Variants in CDC14B observed in about 807,000 individuals in gnomAD.
The protein encoded by CDC14B is cell division cycle 14B, also known as dual specificity protein phosphatase CDC14B.
CDC14B carries 22 observed loss-of-function variants against 64.2 expected under a neutral mutation model. The observed-to-expected ratio is 0.34, with a 90% CI of 0.24 to 0.49. CDC14B has a LOEUF of 0.49. CDC14B is among the 20% of genes least tolerant of loss of function. The pLI is 0.99. For missense variants in CDC14B, 498 were observed against 629.9 expected (o/e 0.79, Z 2.24); for synonymous variants, 191 against 215.8 (o/e 0.89, Z 1.01).
intron 6 of CDC14B, 134 bp from the exon 7 acceptor site, chr9:96,539,274 G>T: frequency 1.6e-6 from 1 of 613,188 alleles, no homozygotes; most frequent in Non-Finnish European, 2.9e-6. Context: ...CCACTGAACA[G>T]CTTTCAAAGG....
chr9:96,596,327 A>C (rs1399615718), intron 1 of CDC14B, among the ~76,000 whole-genome samples: 3 of 150,112 alleles, frequency 2.0e-5, no homozygotes, highest in Non-Finnish European at 4.4e-5. Flanking sequence ...GTGCTACGAC[A>C]CACCAGCCTG....
At chr9:96,526,389 G>A (rs1352458288) in intron 9 of CDC14B, among the ~76,000 whole-genome samples, 6 of 151,912 alleles carry the variant, frequency 3.9e-5, no homozygotes, top group Non-Finnish European at 7.4e-5. Flanking sequence ...AGAAAGAGAC[G>A]GCAGGAGTTA....
chr9:96,538,144 T>C (rs1194360305), intron 7 of CDC14B, among the ~76,000 whole-genome samples: 2 of 152,212 alleles, frequency 1.3e-5, no homozygotes, highest in Non-Finnish European at 2.9e-5. Context: ...AGGTGTATAA[T>C]GACTATTCAT....
intron 5 of CDC14B, among the ~76,000 whole-genome samples, chr9:96,547,907 G>C (rs1364624569): frequency 5.9e-5 from 9 of 151,816 alleles, no homozygotes; most frequent in South Asian, 2.1e-4. Context: ...CTCAATGCAA[G>C]CTCTGCCTCC....
intron 1 of CDC14B, among the ~76,000 whole-genome samples, chr9:96,594,738 A>C (rs1020735116): frequency 6.8e-6 from 1 of 147,342 alleles, no homozygotes; most frequent in Non-Finnish European, 1.5e-5. Flanking sequence ...AAAAAAAAAA[A>C]GCCCAGGAGA....
At chr9:96,586,362 G>T (rs1405236171) in intron 1 of CDC14B, among the ~76,000 whole-genome samples, 1 of 152,164 alleles carries the variant, frequency 6.6e-6, no homozygotes, top group Admixed American at 6.5e-5. Flanking sequence ...GATAAATGTG[G>T]TTAAGTAGAA....
chr9:96,574,697 CAAAA>C lies in CDC14B; in HGVS notation c.161-9218_161-9215del, dbSNP rs57056796. 2.4e-3 allele frequency among the ~76,000 whole-genome samples: 119 copies of C among 49,954 alleles called. 1 individual carries two copies. Among genetic ancestry groups the C allele is most frequent in the African/African-American group, 9.2e-3 (110 of 11,924 alleles). The allele number at this position is 49,954 out of a possible 152,430, so 32.8% of individuals were successfully genotyped here. ...GCAACAAGAGCGAAACTCGGTCTCA[CAAAA>C]AAAAAAAAAAAAAAAAAAGATTTAA... On this transcript the variant is annotated intron_variant, in intron 1 of 13. Transcript: ENST00000375241.
At chr9:96,600,264 C>T (rs1846347907) in intron 1 of CDC14B, among the ~76,000 whole-genome samples, 1 of 150,172 alleles carries the variant, frequency 6.7e-6, no homozygotes, top group Non-Finnish European at 1.5e-5. Flanking sequence ...ATATTTTATG[C>T]AAATACATTT....
intron 1 of CDC14B, among the ~76,000 whole-genome samples, chr9:96,581,762 T>C (rs1161993124): frequency 1.3e-5 from 2 of 152,182 alleles, no homozygotes; most frequent in South Asian, 2.1e-4. Context: ...TTCACAGTTA[T>C]GTCCCCCTTA....
chr9:96,589,498 G>C (rs984954568), intron 1 of CDC14B, among the ~76,000 whole-genome samples: 1 of 151,718 alleles, frequency 6.6e-6, no homozygotes. Context: ...CTTTTCATTT[G>C]TCAGGTGTAT....
intron 1 of CDC14B, among the ~76,000 whole-genome samples, chr9:96,569,393 G>C (rs142367348): frequency 6.6e-6 from 1 of 152,240 alleles, no homozygotes; most frequent in African/African-American, 2.4e-5. Flanking sequence ...AACTAGAAAA[G>C]TAGCTAGATG....
chr9:96,552,304 C>T (rs1841936908), intron 4 of CDC14B, among the ~76,000 whole-genome samples: 1 of 152,198 alleles, frequency 6.6e-6, no homozygotes. Flanking sequence ...CTGTGATTAA[C>T]TCTGTCCATG....
intron 1 of CDC14B, among the ~76,000 whole-genome samples, chr9:96,606,527 T>TTGTGTGTGTGTGTGTG (rs376059971): frequency 1.5e-3 from 168 of 112,846 alleles, no homozygotes; most frequent in African/African-American, 3.5e-3. Context: ...TACTAAAAGT[T>TTGTGTGTGTGTGTGTG]TGTGTGTGTG....
chr9:96,522,064 A>G (rs1345795422), intron 12 of CDC14B, among the ~76,000 whole-genome samples: 1 of 152,232 alleles, frequency 6.6e-6, no homozygotes, highest in Non-Finnish European at 1.5e-5. Context: ...AAAAACCCAA[A>G]ATATAGTTTA....
At chr9:96,521,848 C>A (rs1028036836) in intron 12 of CDC14B, among the ~76,000 whole-genome samples, 1 of 152,188 alleles carries the variant, frequency 6.6e-6, no homozygotes, top group African/African-American at 2.4e-5. Context: ...TACTAAAGAA[C>A]AGCCTACAAA....
chr9:96,515,558 T>A lies in CDC14B; in HGVS notation c.1344-5769A>T. On this transcript the variant is annotated intron_variant, in intron 12 of 13. Coordinates refer to ENST00000375241, the MANE Select transcript of CDC14B (RefSeq NM_033331.4). This position sits in a 1 kb window ranked among gnomAD's most constrained non-coding sequence, Gnocchi z 4.3. ...TTGAAAATAGGCAAACCAACAAAGC[T>A]AGGAGCTGACAAGGAGAAAAACATG... 7.9e-7 allele frequency: 1 copy of A among 1,263,722 alleles called. No individual in the cohort carries two copies. Among genetic ancestry groups the A allele is most frequent in the Non-Finnish European group, 1.1e-6 (1 of 950,598 alleles). The allele number at this position is 1,263,722 out of a possible 1,614,324, so 78.3% of individuals were successfully genotyped here. A position where few individuals can be genotyped will look rare whatever the true frequency, so the allele number is the denominator to read the frequency against.
chr9:96,575,252 C>T (rs1050696640), intron 1 of CDC14B, among the ~76,000 whole-genome samples: 2 of 152,182 alleles, frequency 1.3e-5, no homozygotes, highest in East Asian at 1.9e-4. Flanking sequence ...TGGCTGCTTG[C>T]GCAAGTAATT....
At chr9:96,521,338 C>A (rs949418642) in intron 12 of CDC14B, among the ~76,000 whole-genome samples, 3 of 152,174 alleles carry the variant, frequency 2.0e-5, no homozygotes, top group African/African-American at 7.2e-5. Context: ...CTTGGCCTCC[C>A]AAAGTGCTGG....
intron 1 of CDC14B, among the ~76,000 whole-genome samples, chr9:96,577,516 T>C (rs998037530): frequency 1.3e-5 from 2 of 152,132 alleles, no homozygotes; most frequent in African/African-American, 4.8e-5. Context: ...GATTAAAAAG[T>C]TGAACATAAT....
Sources: allele counts gnomAD v4.1 joint callset (sites outside exome capture counted in the v4.1 genomes callset), GRCh38; gene constraint gnomAD v4.1.1; non-coding constraint Gnocchi (gnomAD v3.1); transcripts MANE v1.5; gene names NCBI Gene and HGNC (gene_info 2026-07-23, HGNC 2026-07-21).